KCNV2: variants seen among roughly 807,000 people sequenced by gnomAD.
KCNV2 encodes the protein potassium voltage-gated channel subfamily V member 2.
KCNV2 carries 65 observed loss-of-function variants against 37.0 expected under a neutral mutation model. That is an observed-to-expected ratio of 1.76 (90% confidence interval 1.44 to 2.16). The LOEUF is 2.16. Ranked by LOEUF, KCNV2 falls within the 30% of genes most tolerant of loss-of-function variation. KCNV2 has a pLI of 0.00. For synonymous variants in KCNV2, 518 were observed against 328.6 expected (o/e 1.58, Z -6.23); for missense variants, 1,232 against 766.7 (o/e 1.61, Z -7.17).
rs747166777 is a variant in KCNV2 at position 2,717,700 on chromosome 9, C to T, written c.-40C>T. On this transcript the variant is annotated 5_prime_UTR_variant, in exon 1 of 2. Coordinates refer to ENST00000382082, the MANE Select transcript of KCNV2 (RefSeq NM_133497.4). ...GTGAGCAGGTGAGGGACCCCTACCA[C>T]AGCCAGGAGGAAAAAGCTAGGCGTC... The T allele has an allele frequency of 3.8e-5, 62 of 1,613,716 alleles. No homozygotes were observed. The highest frequency in any genetic ancestry group is 5.0e-5 in the Non-Finnish European group (59 of 1,179,924).
intron 1 of KCNV2, among the ~76,000 whole-genome samples, chr9:2,723,881 G>C (rs547812167): frequency 1.3e-5 from 2 of 152,042 alleles, no homozygotes; most frequent in African/African-American, 4.8e-5. Flanking sequence ...GGAAATGCAC[G>C]GCACAGCTAA....
Position 2,718,517 on chromosome 9 carries a change from A to T in KCNV2, c.778A>T (p.Lys260Ter), listed in dbSNP as rs139027297. ...MEKPFSSVAAKAIGVASSTFV... is the reference protein window; with the variant it reads ...MEKPFSSVAA ...GAAGCCATTCTCCTCGGTGGCCGCC[A>T]AGGCCATCGGGGTGGCCTCCAGCAC... is the stretch of plus-strand genomic sequence containing the variant. The change falls in exon 1 of 2, where the codon AAG becomes TAG. Residue 260 changes from lysine (K) to a stop codon, truncating the protein, a stop_gained. Transcript: ENST00000382082. LOFTEE classifies it high-confidence loss of function. 6.5e-5 allele frequency: 104 copies of T among 1,610,968 alleles called. 1 individual carries two copies. The highest frequency in any genetic ancestry group is 3.3e-4 in the Admixed American group (20 of 59,760).
intron 1 of KCNV2, among the ~76,000 whole-genome samples, 183 bp from the exon 2 acceptor site, chr9:2,729,263 T>C (rs1820021299): frequency 6.6e-6 from 1 of 152,170 alleles, no homozygotes; most frequent in South Asian, 2.1e-4. Context: ...TAGCTTCTGT[T>C]CTTTTCATGA....
chr9:2,726,056 T>C (rs547048708), intron 1 of KCNV2, among the ~76,000 whole-genome samples: 1 of 152,192 alleles, frequency 6.6e-6, no homozygotes, highest in South Asian at 2.1e-4. Flanking sequence ...TTAAGATGGA[T>C]TGCGGAAATT....
intron 1 of KCNV2, among the ~76,000 whole-genome samples, chr9:2,723,144 C>G (rs920189505): frequency 2.0e-5 from 3 of 152,000 alleles, no homozygotes; most frequent in African/African-American, 4.8e-5. Flanking sequence ...TATTACTGCT[C>G]AAATATATTA....
chr9:2,718,853 G>T lies in KCNV2; in HGVS notation c.1114G>T (p.Val372Leu). ...RGQTVGSVGK[V>L]GQVLRVMRLM... The stretch of plus-strand genomic sequence containing the variant: ...CCAGACGGTGGGCAGCGTGGGTAAG[G>T]TGGGTCAGGTGTTGCGCGTCATGCG... The change falls in exon 1 of 2, where the codon GTG becomes TTG. Residue 372 changes from valine to leucine, a missense_variant. Transcript: ENST00000382082. The T allele has an allele frequency of 6.2e-7, 1 of 1,609,328 alleles. No homozygotes were observed. The highest frequency in any genetic ancestry group is 8.5e-7 in the Non-Finnish European group (1 of 1,179,958).
At chr9:2,728,858 A>T (rs1277011129) in intron 1 of KCNV2, among the ~76,000 whole-genome samples, 2 of 151,142 alleles carry the variant, frequency 1.3e-5, no homozygotes. Context: ...CCTAAGAGTT[A>T]GATGGTTTTC....
rs572353212 is a variant in KCNV2 at position 2,729,001 on chromosome 9, C to T, written c.1357-445C>T. Among the ~76,000 whole-genome samples the T allele has an allele frequency of 2.6e-5, 4 of 152,186 alleles. No homozygotes were observed. In the South Asian group the frequency reaches 8.3e-4, roughly 32 times the overall value. The stretch of plus-strand genomic sequence containing the variant: ...TGAACCCAGGTCTGACTGTTCTAAG[C>T]CCAAGATTTTTCCAATACATACAGT... On this transcript the variant is annotated intron_variant, in intron 1 of 1. Coordinates refer to ENST00000382082, the MANE Select transcript of KCNV2 (RefSeq NM_133497.4).
At chr9:2,721,951 C>T (rs1274505214) in intron 1 of KCNV2, among the ~76,000 whole-genome samples, 1 of 151,732 alleles carries the variant, frequency 6.6e-6, no homozygotes, top group Non-Finnish European at 1.5e-5. Flanking sequence ...GGTTTCTAAG[C>T]ATTTTATTAA....
chr9:2,719,752 C>A (rs1563796693), intron 1 of KCNV2, among the ~76,000 whole-genome samples: 1 of 152,228 alleles, frequency 6.6e-6, no homozygotes, highest in African/African-American at 2.4e-5. Context: ...CTAGAGGTGG[C>A]AAAGCCAGAA....
In KCNV2 at chr9:2,718,163, T is replaced by C; in HGVS notation, c.424T>C (p.Tyr142His). The C allele has an allele frequency of 6.2e-7, 1 of 1,612,836 alleles. No homozygotes were observed. Among genetic ancestry groups the C allele is most frequent in the African/African-American group, 1.3e-5 (1 of 75,026 alleles). ...CCGCCAGCTAAGCCTGTGCGACGAC[T>C]ACGAGGAGCAGACAGACGAATACTT... ...RSRQLSLCDD[Y>H]EEQTDEYFFD... The change falls in exon 1 of 2, where the codon TAC (tyrosine) becomes CAC (histidine). Residue 142 changes from tyrosine to histidine, a missense_variant. By Grantham distance (83) the Tyr-to-His change is moderately conservative (BLOSUM62 2). Coordinates refer to ENST00000382082, the MANE Select transcript of KCNV2 (RefSeq NM_133497.4).
At chr9:2,727,220 G>A (rs932835196) in intron 1 of KCNV2, among the ~76,000 whole-genome samples, 6 of 151,306 alleles carry the variant, frequency 4.0e-5, no homozygotes, top group African/African-American at 1.2e-4. Flanking sequence ...CTTTTGGTGT[G>A]GTCAATGACA....
chr9:2,719,189 C>G (rs761948684), intron 1 of KCNV2, 94 bp downstream of exon 1: 1 of 1,414,186 alleles, frequency 7.1e-7, no homozygotes, highest in Admixed American at 1.9e-5. Context: ...GCTTTGGCTT[C>G]TGATCCTCGT....
chr9:2,717,953 G>T lies in KCNV2; in HGVS notation c.214G>T (p.Ala72Ser), dbSNP rs1228440224. 1.9e-6 allele frequency: 3 copies of T among 1,614,048 alleles called. No homozygotes were observed. Among genetic ancestry groups the T allele is most frequent in the Non-Finnish European group, 2.5e-6 (3 of 1,179,926 alleles). The change falls in exon 1 of 2, where the codon GCA (alanine) becomes TCA (serine). Residue 72 changes from alanine to serine, a missense_variant. Ala to Ser is a moderately conservative substitution (Grantham distance 99). Transcript: ENST00000382082. ...GGAGGACCAGTGGAAGGACGACCTGGCAGAAGAGGACCAGCAGGCAGGGGA... is the reference window on the plus strand; with the variant it reads ...GGAGGACCAGTGGAAGGACGACCTGTCAGAAGAGGACCAGCAGGCAGGGGA... ...EEEDQWKDDL[A>S]EEDQQAGEVT...
At position 2,718,119 on chromosome 9, in the gene KCNV2, C is replaced by T. The variant is rs1225416665; in HGVS notation, c.380C>T (p.Ala127Val). The T allele has an allele frequency of 6.2e-7, 1 of 1,601,812 alleles. No individual in the cohort carries two copies. The highest frequency in any genetic ancestry group is 8.5e-7 in the Non-Finnish European group (1 of 1,174,630). Residue 127 changes from alanine (A) to valine (V), a missense_variant, in exon 1 of 2, where the codon GCC becomes GTC. Coordinates refer to ENST00000382082, the MANE Select transcript of KCNV2 (RefSeq NM_133497.4). ...CCCAAGACGCGCCTAGGTCGCCTGG[C>T]CACCTCCACCAGCCGCAGCCGCCAG... is the stretch of plus-strand genomic sequence containing the variant. ...GFPKTRLGRL[A>V]TSTSRSRQLS...
chr9:2,719,295 G>A (rs936294140), intron 1 of KCNV2, among the ~76,000 whole-genome samples, 200 bp downstream of exon 1: 1 of 152,112 alleles, frequency 6.6e-6, no homozygotes, highest in East Asian at 1.9e-4. Flanking sequence ...GTAAGTAAGT[G>A]AATTTGACTT....
Position 2,717,917 on chromosome 9 carries a change from G to C in KCNV2, c.178G>C (p.Asp60His), listed in dbSNP as rs1819764524. 9 of 1,614,206 alleles carry C rather than the reference G, an allele frequency of 5.6e-6. No individual in the cohort carries two copies. The highest frequency in any genetic ancestry group is 7.6e-6 in the Non-Finnish European group (9 of 1,180,036). ...NYNYYIEEDEDGEEEDQWKDD... is the reference protein window; with the variant it reads ...NYNYYIEEDEHGEEEDQWKDD... Reference sequence around the variant, plus strand: ...TAACTACTACATCGAGGAAGACGAAGACGGCGAGGAGGAGGACCAGTGGAA... The same window carrying C: ...TAACTACTACATCGAGGAAGACGAACACGGCGAGGAGGAGGACCAGTGGAA... The change falls in exon 1 of 2, where the codon GAC becomes CAC. Residue 60 changes from aspartate (D) to histidine (H), a missense_variant. By Grantham distance (81) the Asp-to-His change is moderately conservative. Transcript: ENST00000382082.
In KCNV2 at chr9:2,729,606, A is replaced by T; in HGVS notation, c.1517A>T (p.Tyr506Phe). 1 of 1,614,140 alleles carries T rather than the reference A, an allele frequency of 6.2e-7. No homozygotes were observed. Among genetic ancestry groups the T allele is most frequent in the African/African-American group, 1.3e-5 (1 of 75,040 alleles). ...FSDYYSKLKA[Y>F]EYTTIRRERG... Reference sequence around the variant, plus strand: ...GATTACTACAGCAAGCTGAAGGCTTATGAGTATACCACCATACGCAGGGAG... The same window carrying T: ...GATTACTACAGCAAGCTGAAGGCTTTTGAGTATACCACCATACGCAGGGAG... The change falls in exon 2 of 2, where the codon TAT (tyrosine) becomes TTT (phenylalanine). Residue 506 changes from tyrosine (Y) to phenylalanine (F), a missense_variant. Tyr to Phe is a conservative substitution (Grantham distance 22). Transcript: ENST00000382082.
Position 2,718,211 on chromosome 9 carries a change from T to C in KCNV2, c.472T>C (p.Phe158Leu), listed in dbSNP as rs1325387882. Residue 158 changes from phenylalanine (F) to leucine (L), a missense_variant, in exon 1 of 2, where the codon TTC (phenylalanine) becomes CTC (leucine). By Grantham distance (22) the Phe-to-Leu change is conservative. Coordinates refer to ENST00000382082, the MANE Select transcript of KCNV2 (RefSeq NM_133497.4). Reference sequence around the variant, plus strand: ...CTTCTTCGACCGCGACCCGGCCGTCTTCCAGCTGGTCTACAATTTCTACCT... The same window carrying C: ...CTTCTTCGACCGCGACCCGGCCGTCCTCCAGCTGGTCTACAATTTCTACCT... ...EYFFDRDPAV[F>L]QLVYNFYLSG... The C allele has an allele frequency of 6.2e-7, 1 of 1,613,448 alleles. No individual in the cohort carries two copies. The highest frequency in any genetic ancestry group is 8.5e-7 in the Non-Finnish European group (1 of 1,179,956).
Sources: gnomAD v4.1 joint callset for allele counts (sites outside exome capture counted in the v4.1 genomes callset) on GRCh38, gnomAD v4.1.1 for gene constraint, MANE v1.5 for transcripts, NCBI Gene and HGNC (gene_info 2026-07-23, HGNC 2026-07-21) for gene names.